CASP8: variants seen among roughly 807,000 people sequenced by gnomAD.
The protein encoded by CASP8 is caspase 8.
Under a neutral mutation model 46.3 loss-of-function variants are expected in CASP8, and 24 were observed. That is an observed-to-expected ratio of 0.52 (90% confidence interval 0.38 to 0.73). The LOEUF (loss-of-function observed/expected upper bound fraction) is 0.73, where lower values mean the gene tolerates loss of function less well. Among genes scored for constraint, CASP8 ranks in the 30% least tolerant of loss-of-function variants. The probability of loss-of-function intolerance (pLI) is 0.00; values close to 1 mark genes in which losing one functional copy is unlikely to be tolerated. For synonymous variants in CASP8, 188 were observed against 200.4 expected, an observed-to-expected ratio of 0.94 and a Z score of 0.52; for missense variants, 460 against 559.0, an observed-to-expected ratio of 0.82 and a Z score of 1.79.
chr2:201,285,483 T>A (rs1364602736), intron 8 of CASP8, among the ~76,000 whole-genome samples, 166 bp downstream of exon 8: 8 of 152,244 alleles, frequency 5.3e-5, no homozygotes, highest in Non-Finnish European at 1.5e-5. Context: ...CGTTCAACTC[T>A]AAATGTCTAG....
chr2:201,250,445 G>A (rs1946727814), intron 2 of CASP8, among the ~76,000 whole-genome samples: 1 of 152,160 alleles, frequency 6.6e-6, no homozygotes, highest in Non-Finnish European at 1.5e-5. Context: ...TTGGCTTCTG[G>A]GGAGGCCTCA....
chr2:201,279,283 A>G (rs1456209417), intron 7 of CASP8, among the ~76,000 whole-genome samples: 1 of 152,330 alleles, frequency 6.6e-6, no homozygotes, highest in East Asian at 1.9e-4. Context: ...AAATTGAACC[A>G]GAGAGGCTCT....
chr2:201,266,935 G>T lies in CASP8; in HGVS notation c.305+144G>T. On this transcript the variant is annotated intron_variant, in intron 2 of 8. Coordinates refer to ENST00000673742, the MANE Select transcript of CASP8 (RefSeq NM_001372051.1). This position sits in a 1 kb window ranked among gnomAD's most constrained non-coding sequence, Gnocchi z 5.7. ...AATTCTAAGCTTCTACAGAAAGACAGTAGTGCCTTGGGTGGTCCTGCTAAA... is the reference window on the plus strand; with the variant it reads ...AATTCTAAGCTTCTACAGAAAGACATTAGTGCCTTGGGTGGTCCTGCTAAA... The T allele has an allele frequency of 1.6e-6, 1 of 620,908 alleles. No individual in the cohort carries two copies. The highest frequency in any genetic ancestry group is 2.8e-6 in the Non-Finnish European group (1 of 359,408). The allele number at this position is 620,908 out of a possible 1,614,324, so 38.5% of individuals were successfully genotyped here.
At position 201,249,875 on chromosome 2, in the gene CASP8, A is replaced by G. The variant is rs34079685; in HGVS notation, c.-27+15763A>G. Among the ~76,000 whole-genome samples the G allele has an allele frequency of 8.4e-3, 1,284 of 152,344 alleles. 24 individuals carry two copies. Among genetic ancestry groups the G allele is most frequent in the African/African-American group, 0.03 (1,239 of 41,576 alleles). On this transcript the variant is annotated intron_variant, in intron 2 of 6. Transcript: ENST00000264274. ...AGTGATGAACCAATATTGATATTGTAGGGGAGGGCAAATCTGTTTTCCTTC... is the reference window on the plus strand; with the variant it reads ...AGTGATGAACCAATATTGATATTGTGGGGGAGGGCAAATCTGTTTTCCTTC...
chr2:201,251,567 C>G (rs1375568176), intron 2 of CASP8, among the ~76,000 whole-genome samples: 2 of 141,752 alleles, frequency 1.4e-5, no homozygotes, highest in Non-Finnish European at 3.0e-5. Context: ...TGCACTCCAG[C>G]CTGGGCAATA....
chr2:201,238,913 G>A lies in CASP8; in HGVS notation c.-27+4801G>A, dbSNP rs887409144. Reference sequence around the variant, plus strand: ...GGTTTTCCTAGGCAGAGGACCCTGCGGCCTTCCGCAGTGTTTGTGTCCCTG... The same window carrying A: ...GGTTTTCCTAGGCAGAGGACCCTGCAGCCTTCCGCAGTGTTTGTGTCCCTG... On this transcript the variant is annotated intron_variant, in intron 2 of 6. Transcript: ENST00000264274. Among the ~76,000 whole-genome samples the A allele has an allele frequency of 9.5e-4, 145 of 152,040 alleles. 1 individual carries two copies. Among genetic ancestry groups the A allele is most frequent in the African/African-American group, 3.3e-3 (137 of 41,472 alleles).
intron 2 of CASP8, among the ~76,000 whole-genome samples, chr2:201,235,508 G>A (rs939850336): frequency 2.6e-5 from 4 of 151,940 alleles, no homozygotes; most frequent in Admixed American, 6.6e-5. Context: ...TCTTTTAGAC[G>A]AATTAAGTAA....
In CASP8 at chr2:201,239,967, A is replaced by G. The variant is rs540174380; in HGVS notation, c.-27+5855A>G. On this transcript the variant is annotated intron_variant, in intron 2 of 6. Coordinates refer to the CASP8 transcript ENST00000264274. ...TAGTTTCAGAGCATTTTGGGGACTT[A>G]TGATCCCTTCTAGTTACCTCTGCAT... Among the ~76,000 whole-genome samples the G allele has an allele frequency of 3.3e-5, 5 of 152,328 alleles. No individual in the cohort carries two copies. The South Asian group carries it at 1.0e-3, about 32-fold the overall frequency.
upstream of CASP8, among the ~76,000 whole-genome samples, chr2:201,257,160 C>A (rs1365690005): frequency 6.6e-6 from 1 of 150,770 alleles, no homozygotes; most frequent in Admixed American, 6.6e-5. Flanking sequence ...ACAAAAAATT[C>A]AAATGGGAAA....
intron 3 of CASP8, among the ~76,000 whole-genome samples, chr2:201,271,894 G>A (rs146417323): frequency 2.0e-5 from 3 of 152,178 alleles, no homozygotes; most frequent in Non-Finnish European, 4.4e-5. Context: ...GAAAGACTGC[G>A]GTGGGTCTGA....
At position 201,269,514 on chromosome 2, in the gene CASP8, C is replaced by G. The variant is rs371728950; in HGVS notation, c.306-2002C>G. The G allele has an allele frequency of 3.1e-6, 5 of 1,612,110 alleles. No individual in the cohort carries two copies. The African/African-American group carries it at 6.7e-5, about 22-fold the overall frequency. On this transcript the variant is annotated intron_variant, in intron 2 of 8. Transcript: ENST00000673742. ...CACCATCTTGGTCCTTTGAAGGTTC[C>G]ACTTCTGCCGCATGAGCTGGGCTGA...
At chr2:201,257,252 C>T (rs1438492214), upstream of CASP8, among the ~76,000 whole-genome samples, 4 of 151,304 alleles carry the variant, frequency 2.6e-5, no homozygotes, top group African/African-American at 7.3e-5. Context: ...GAGGCCAAGG[C>T]GGGTGGATTT....
At chr2:201,239,183 G>C (rs762571950) in intron 2 of CASP8, among the ~76,000 whole-genome samples, 19 of 152,192 alleles carry the variant, frequency 1.2e-4, no homozygotes, top group South Asian at 2.1e-4. Context: ...ACACAGACAC[G>C]GCAACCATCC....
chr2:201,266,029 G>T lies in CASP8; in HGVS notation c.-26-432G>T, dbSNP rs981065202. On this transcript the variant is annotated intron_variant, in intron 1 of 8. Transcript: ENST00000673742. This position sits in a 1 kb window ranked among gnomAD's most constrained non-coding sequence, Gnocchi z 5.7. ...GAGTCTTGCCCTGTCACCCAGGCTG[G>T]AGTGCAGTGGTGCAATCTCCGCTCA... Among the ~76,000 whole-genome samples, 1 of 150,898 alleles carries T rather than the reference G, an allele frequency of 6.6e-6. No individual in the cohort carries two copies. Among genetic ancestry groups the T allele is most frequent in the African/African-American group, 2.4e-5 (1 of 40,956 alleles).
chr2:201,266,402 A>G lies in CASP8; in HGVS notation c.-26-59A>G. Reference sequence around the variant, plus strand: ...TAGTAGTTGCAGTAGCCTTTGATGAACAAGCCAGCAAATGGTACTTTTCTT... The same window carrying G: ...TAGTAGTTGCAGTAGCCTTTGATGAGCAAGCCAGCAAATGGTACTTTTCTT... On this transcript the variant is annotated intron_variant, in intron 1 of 8. Transcript: ENST00000673742. The surrounding 1 kb of genome is among the most constrained non-coding windows in gnomAD (Gnocchi z 5.7). The G allele has an allele frequency of 7.3e-7, 1 of 1,363,860 alleles. No homozygotes were observed. The highest frequency in any genetic ancestry group is 1.7e-5 in the Admixed American group (1 of 58,650). 84.5% of individuals were successfully genotyped at this position (1,363,860 alleles called of 1,614,324 possible). A position where few individuals can be genotyped will look rare whatever the true frequency, so the allele number is the denominator to read the frequency against.
intron 1 of CASP8, among the ~76,000 whole-genome samples, chr2:201,265,907 G>C (rs34637372): frequency 2.2e-4 from 33 of 151,708 alleles, no homozygotes; most frequent in Admixed American, 2.1e-3. Context: ...CTAAGTTAAG[G>C]TTTCTTCCTC....
At chr2:201,239,345 C>T (rs1010379444) in intron 2 of CASP8, among the ~76,000 whole-genome samples, 3 of 152,104 alleles carry the variant, frequency 2.0e-5, no homozygotes, top group Admixed American at 1.3e-4. Flanking sequence ...TAGGGGCGGC[C>T]GGGCAGAGGC....
Position 201,266,440 on chromosome 2 carries a change from A to G in CASP8, c.-26-21A>G. The G allele has an allele frequency of 6.4e-7, 1 of 1,571,036 alleles. No homozygotes were observed. Among genetic ancestry groups the G allele is most frequent in the South Asian group, 1.1e-5 (1 of 90,198 alleles). On this transcript the variant is annotated intron_variant, in intron 1 of 8. Transcript: ENST00000673742. This position sits in a 1 kb window ranked among gnomAD's most constrained non-coding sequence, Gnocchi z 5.7. ...TGGTACTTTTCTTCCTTATCTGAAC[A>G]TACCATTTATTTTGACTTAGATTAT...
rs180819921 is a variant in CASP8 at position 201,285,402 on chromosome 2, G to T, written c.1304+85G>T. The T allele has an allele frequency of 2.2e-4, 336 of 1,504,936 alleles. No individual in the cohort carries two copies. The African/African-American group carries it at 4.2e-3, about 19-fold the overall frequency. The allele number at this position is 1,504,936 out of a possible 1,614,324, so 93.2% of individuals were successfully genotyped here. A position where few individuals can be genotyped will look rare whatever the true frequency, so the allele number is the denominator to read the frequency against. ...ACACTACTATCTACTCATATTCAGA[G>T]CCTATTAGAAAGTGCTATGTGATTT... On this transcript the variant is annotated intron_variant, in intron 8 of 8. Coordinates refer to ENST00000673742, the MANE Select transcript of CASP8 (RefSeq NM_001372051.1).
Sources: allele counts gnomAD v4.1 joint callset (sites outside exome capture counted in the v4.1 genomes callset), GRCh38; gene constraint gnomAD v4.1.1; non-coding constraint Gnocchi (gnomAD v3.1); transcripts MANE v1.5; gene names NCBI Gene and HGNC (gene_info 2026-07-23, HGNC 2026-07-21).